The following DPY19L3 variants were observed in gnomAD, a reference collection of about 807,000 sequenced individuals.
The protein encoded by DPY19L3 is dpy-19 like C-mannosyltransferase 3.
A neutral mutation model predicts 92.3 loss-of-function variants in DPY19L3; 51 were observed. The ratio of observed to expected loss-of-function variants is 0.55; its 90% CI spans 0.44 to 0.70. The LOEUF (loss-of-function observed/expected upper bound fraction) is 0.70, where lower values mean the gene tolerates loss of function less well. DPY19L3 is among the 30% of genes least tolerant of loss of function. DPY19L3 has a pLI of 0.00. For missense variants in DPY19L3, 706 were observed against 855.9 expected (o/e 0.82, Z 2.18); for synonymous variants, 309 against 315.2 (o/e 0.98, Z 0.21).
At chr19:32,458,666 A>G (rs1197562381) in intron 12 of DPY19L3, among the ~76,000 whole-genome samples, 157 bp downstream of exon 12, 1 of 152,204 alleles carries the variant, frequency 6.6e-6, no homozygotes, top group Non-Finnish European at 1.5e-5. Flanking sequence ...CACTCCCAGT[A>G]GTTAGGAGAC....
chr19:32,441,222 G>A (rs963671757), intron 8 of DPY19L3, among the ~76,000 whole-genome samples: 9 of 151,936 alleles, frequency 5.9e-5, no homozygotes, highest in South Asian at 4.2e-4. Flanking sequence ...AAAGCTGGGC[G>A]GAAAAGATAA....
At chr19:32,481,868 G>A in intron 18 of DPY19L3, 1 of 545,290 alleles carries the variant, frequency 1.8e-6, no homozygotes, top group East Asian at 3.0e-5. Flanking sequence ...ATCATCGTGT[G>A]ACGCTGCACT....
At chr19:32,465,748 A>G (rs1224947360) in intron 15 of DPY19L3, among the ~76,000 whole-genome samples, 2 of 152,210 alleles carry the variant, frequency 1.3e-5, no homozygotes, top group African/African-American at 4.8e-5. Flanking sequence ...TTTCAAAAAA[A>G]TGTGTTCTGT....
At chr19:32,449,923 A>C (rs1432079335) in intron 8 of DPY19L3, among the ~76,000 whole-genome samples, 1 of 152,230 alleles carries the variant, frequency 6.6e-6, no homozygotes, top group African/African-American at 2.4e-5. Context: ...GACTTCATCA[A>C]AATTAAAACT....
intron 8 of DPY19L3, 79 bp from the exon 9 acceptor site, chr19:32,453,066 C>A: frequency 6.9e-7 from 1 of 1,457,616 alleles, no homozygotes; most frequent in Non-Finnish European, 9.5e-7. Context: ...TGAGGTGTAT[C>A]CACCTCATGA....
chr19:32,423,741 A>G (rs887516704), intron 3 of DPY19L3, among the ~76,000 whole-genome samples: 7 of 152,184 alleles, frequency 4.6e-5, no homozygotes, highest in African/African-American at 1.7e-4. Context: ...CTGACTGGGC[A>G]CAGTGGCTCA....
Position 32,468,736 on chromosome 19 carries a change from G to A in DPY19L3, c.1620G>A (p.Trp540Ter). ...TGTTTTGTTTTTAATTTCAGTTCTG[G>A]CCAGGAATGATGGATGAACTCTCCG... is the stretch of plus-strand genomic sequence containing the variant. ...LILLYLCYKF[W>*]PGMMDELSEL... Residue 540 changes from tryptophan (W) to a stop codon, truncating the protein, a stop_gained, in exon 16 of 19, where the codon TGG (tryptophan) becomes TGA (stop). Coordinates refer to ENST00000392250, the MANE Select transcript of DPY19L3 (RefSeq NM_001172774.2). LOFTEE classifies it high-confidence loss of function. 1 of 1,613,730 alleles carries A rather than the reference G, an allele frequency of 6.2e-7. No individual in the cohort carries two copies. The highest frequency in any genetic ancestry group is 8.5e-7 in the Non-Finnish European group (1 of 1,179,852).
At chr19:32,461,628 G>C (rs968196537) in intron 12 of DPY19L3, among the ~76,000 whole-genome samples, 12 of 152,146 alleles carry the variant, frequency 7.9e-5, no homozygotes, top group Admixed American at 1.3e-4. Context: ...AACTGCCTTA[G>C]AGTATCCTTT....
chr19:32,482,388 C>A lies in DPY19L3; in HGVS notation c.*148C>A. The A allele has an allele frequency of 1.1e-6, 1 of 883,604 alleles. No individual in the cohort carries two copies. The highest frequency in any genetic ancestry group is 1.7e-6 in the Non-Finnish European group (1 of 592,658). The allele number at this position is 883,604 out of a possible 1,614,324, so 54.7% of individuals were successfully genotyped here. On this transcript the variant is annotated 3_prime_UTR_variant, in exon 19 of 19. Coordinates refer to ENST00000392250, the MANE Select transcript of DPY19L3 (RefSeq NM_001172774.2). The stretch of plus-strand genomic sequence containing the variant: ...CTACAGATGTTTACACAAGTGTTGC[C>A]ATCTTTGAAAGCATCTTCTACAAGC...
intron 4 of DPY19L3, among the ~76,000 whole-genome samples, chr19:32,433,019 T>G (rs904003679): frequency 1.2e-4 from 19 of 152,222 alleles, no homozygotes; most frequent in African/African-American, 4.1e-4. Flanking sequence ...CCAGCTCTGT[T>G]CCATCCCAAA....
intron 15 of DPY19L3, chr19:32,468,169 T>A: frequency 1.1e-6 from 1 of 924,630 alleles, no homozygotes; most frequent in Non-Finnish European, 1.3e-6. Flanking sequence ...TCTCTGAGCC[T>A]CAGTTTCCAC....
chr19:32,453,773 A>G (rs1414456759), intron 9 of DPY19L3, among the ~76,000 whole-genome samples: 1 of 152,164 alleles, frequency 6.6e-6, no homozygotes, highest in African/African-American at 2.4e-5. Context: ...AATTTTGAGA[A>G]TCCAAATAAA....
In DPY19L3 at chr19:32,436,528, G is replaced by A. The variant is rs763287153; in HGVS notation, c.411G>A (p.Glu137=). ...TTCAGCGAATGAATATTTACCAAGA[G>A]GTTTTTCTCAGTATTTTATATAGAG... The part of the protein sequence containing the change: ...NLLQRMNIYQ[E]VFLSILYRVL... The change falls in exon 5 of 19, where the codon GAG becomes GAA. Residue 137 remains glutamate, a synonymous_variant. Coordinates refer to ENST00000392250, the MANE Select transcript of DPY19L3 (RefSeq NM_001172774.2). 2.5e-6 allele frequency: 4 copies of A among 1,575,894 alleles called. No homozygotes were observed. The highest frequency in any genetic ancestry group is 2.3e-5 in the South Asian group (2 of 86,092).
intron 4 of DPY19L3, among the ~76,000 whole-genome samples, chr19:32,435,734 G>A (rs1489934881): frequency 1.3e-5 from 2 of 152,212 alleles, no homozygotes; most frequent in African/African-American, 4.8e-5. Context: ...CTGTGTGGAA[G>A]GACTGTGTGC....
intron 16 of DPY19L3, among the ~76,000 whole-genome samples, chr19:32,471,218 T>C (rs1048956408): frequency 6.6e-6 from 1 of 152,206 alleles, no homozygotes; most frequent in Non-Finnish European, 1.5e-5. Context: ...GCCTAAGGAC[T>C]CTTTCAGACG....
rs953188941 is a variant in DPY19L3 at position 32,485,588 on chromosome 19, G to C, written c.*3348G>C. ...GTTCATCTTTGGCCAAAACCTACCT[G>C]AATTAACATACAAAATATTTGATTT... On this transcript the variant is annotated 3_prime_UTR_variant, in exon 19 of 19. Coordinates refer to ENST00000392250, the MANE Select transcript of DPY19L3 (RefSeq NM_001172774.2). 6.6e-6 allele frequency: 1 copy of C among 152,178 alleles called. No homozygotes were observed. Among genetic ancestry groups the C allele is most frequent in the Non-Finnish European group, 1.5e-5 (1 of 68,034 alleles). The allele number at this position is 152,178 out of a possible 1,614,324, so 9.4% of individuals were successfully genotyped here.
rs1026812550 is a variant in DPY19L3, at chr19:32,480,528, C to T, written c.1960C>T (p.Arg654Trp). ...ERRHRRGCRL[R>W]DLLDIANGHM... ...GAGGCACCGCCGGGGCTGCCGACTC[C>T]GGGACCTGCTGGACATTGCCAACGG... Residue 654 changes from arginine to tryptophan, a missense_variant, in exon 18 of 19, where the codon CGG becomes TGG. Transcript: ENST00000392250. 5 of 1,613,844 alleles carry T rather than the reference C, an allele frequency of 3.1e-6. No homozygotes were observed. The highest frequency in any genetic ancestry group is 2.2e-5 in the East Asian group (1 of 44,872).
intron 2 of DPY19L3, among the ~76,000 whole-genome samples, 199 bp from the exon 3 acceptor site, chr19:32,411,038 ATG>A (rs947354509): frequency 6.6e-6 from 1 of 152,226 alleles, no homozygotes; most frequent in African/African-American, 2.4e-5. Flanking sequence ...GAATGGACAC[ATG>A]GACAGTTAGA....
In DPY19L3 at chr19:32,477,589, A is replaced by C; in HGVS notation, c.1765A>C (p.Thr589Pro). 1.9e-6 allele frequency: 3 copies of C among 1,614,158 alleles called. No homozygotes were observed. The highest frequency in any genetic ancestry group is 2.5e-6 in the Non-Finnish European group (3 of 1,180,040). ...GTTGCTGGCCGGAGTCAAGCTGTGCACGGGAAGGACCCTAACCAACCACCC... is the reference window on the plus strand; with the variant it reads ...GTTGCTGGCCGGAGTCAAGCTGTGCCCGGGAAGGACCCTAACCAACCACCC... ...MQLLAGVKLC[T>P]GRTLTNHPHY... Residue 589 changes from threonine to proline, a missense_variant, in exon 17 of 19, where the codon ACG (threonine) becomes CCG (proline). Thr to Pro is a conservative substitution (Grantham distance 38). Coordinates refer to ENST00000392250, the MANE Select transcript of DPY19L3 (RefSeq NM_001172774.2).
Sources: gnomAD v4.1 joint callset for allele counts (sites outside exome capture counted in the v4.1 genomes callset) on GRCh38, gnomAD v4.1.1 for gene constraint, MANE v1.5 for transcripts, NCBI Gene and HGNC (gene_info 2026-07-23, HGNC 2026-07-21) for gene names.